G3BP2: variants seen among roughly 807,000 people sequenced by gnomAD.
G3BP2 encodes the protein G3BP stress granule assembly factor 2.
In G3BP2, 11 loss-of-function variants were observed where a neutral mutation model predicts 56.7. The observed-to-expected ratio is 0.19, with a 90% CI of 0.12 to 0.32. G3BP2 has a LOEUF of 0.32. Among genes scored for constraint, G3BP2 ranks in the 10% least tolerant of loss-of-function variants. The pLI is 1.00. For synonymous variants in G3BP2, 165 were observed against 191.6 expected (o/e 0.86, Z 1.15); for missense variants, 340 against 610.9 (o/e 0.56, Z 4.67).
rs965612443 is a variant in G3BP2, at chr4:75,643,645, T to C, written c.*1785A>G. On this transcript the variant is annotated 3_prime_UTR_variant, in exon 12 of 12. Transcript: ENST00000359707. ...ATTGCCCAGTACATGAAAAACAAAATACATGCATCATTTGCTAGTTTACTA... is the reference window on the plus strand; with the variant it reads ...ATTGCCCAGTACATGAAAAACAAAACACATGCATCATTTGCTAGTTTACTA... 5 of 152,470 alleles carry C rather than the reference T, an allele frequency of 3.3e-5. No homozygotes were observed. The highest frequency in any genetic ancestry group is 5.9e-5 in the Non-Finnish European group (4 of 68,010). The allele number at this position is 152,470 out of a possible 1,614,324, so 9.4% of individuals were successfully genotyped here.
intron 5 of G3BP2, among the ~76,000 whole-genome samples, chr4:75,656,649 G>T (rs1403202041): frequency 1.3e-5 from 2 of 152,076 alleles, no homozygotes; most frequent in Non-Finnish European, 2.9e-5. Context: ...GCCAAGTATA[G>T]AATCCAAAAA....
intron 8 of G3BP2, among the ~76,000 whole-genome samples, chr4:75,652,733 C>G (rs539286018): frequency 1.3e-5 from 2 of 152,276 alleles, no homozygotes; most frequent in Non-Finnish European, 2.9e-5. Context: ...GTGAGTTACT[C>G]TAGACCTCAA....
At chr4:75,672,119 G>A (rs1733534179) in intron 1 of G3BP2, among the ~76,000 whole-genome samples, 1 of 152,104 alleles carries the variant, frequency 6.6e-6, no homozygotes, top group Admixed American at 6.5e-5. Context: ...AATCATACAG[G>A]GAGAACAGGA....
intron 3 of G3BP2, among the ~76,000 whole-genome samples, chr4:75,658,528 C>T (rs1160473708): frequency 2.6e-5 from 4 of 151,374 alleles, no homozygotes; most frequent in East Asian, 1.9e-4. Flanking sequence ...GTTGGGAGTT[C>T]GAGACCAGCC....
chr4:75,711,113 A>G (rs1375254524), intron 3 of G3BP2, among the ~76,000 whole-genome samples: 2 of 152,060 alleles, frequency 1.3e-5, no homozygotes, highest in African/African-American at 2.4e-5. Flanking sequence ...TGAGGTCAGG[A>G]GTTCAAGACC....
chr4:75,720,146 A>G (rs1214221725), intron 3 of G3BP2, among the ~76,000 whole-genome samples: 2 of 151,128 alleles, frequency 1.3e-5, no homozygotes, highest in Non-Finnish European at 2.9e-5. Flanking sequence ...CTGGAATGAT[A>G]GGCCACCACG....
At chr4:75,661,698 CATAT>C (rs912583032) in intron 2 of G3BP2, 3 of 424,478 alleles carry the variant, frequency 7.1e-6, no homozygotes, top group African/African-American at 6.1e-5. Context: ...TAAGCGTGTG[CATAT>C]ATAGATATGA....
chr4:75,705,744 A>G (rs202083290), intron 3 of G3BP2, among the ~76,000 whole-genome samples: 1 of 152,324 alleles, frequency 6.6e-6, no homozygotes, highest in East Asian at 1.9e-4. Flanking sequence ...GGCCTTAAAA[A>G]GAACGGGTAG....
Position 75,673,391 on chromosome 4 carries a change from G to T in G3BP2, c.-208C>A. 1 of 1,232,200 alleles carries T rather than the reference G, an allele frequency of 8.1e-7. No individual in the cohort carries two copies. Among genetic ancestry groups the T allele is most frequent in the African/African-American group, 1.5e-5 (1 of 64,540 alleles). The allele number at this position is 1,232,200 out of a possible 1,614,324, so 76.3% of individuals were successfully genotyped here. ...CTTCCCGGGCGCCAGGCGCTGCGAC[G>T]TGCGACAAGGACCACGGACGTCCCG... On this transcript the variant is annotated 5_prime_UTR_variant, in exon 1 of 12. Coordinates refer to ENST00000359707, the MANE Select transcript of G3BP2 (RefSeq NM_203505.3).
At chr4:75,703,093 A>G (rs577943603) in intron 3 of G3BP2, among the ~76,000 whole-genome samples, 2 of 152,342 alleles carry the variant, frequency 1.3e-5, no homozygotes, top group Admixed American at 6.5e-5. Context: ...TACTGAATGC[A>G]TGAAGAAGGC....
chr4:75,690,232 G>A (rs562867905), intron 3 of G3BP2, among the ~76,000 whole-genome samples: 1 of 152,202 alleles, frequency 6.6e-6, no homozygotes, highest in South Asian at 2.1e-4. Flanking sequence ...TCAGGAGTTC[G>A]AAACCAGCCT....
At chr4:75,661,052 C>G (rs779925790) in intron 2 of G3BP2, among the ~76,000 whole-genome samples, 1 of 152,152 alleles carries the variant, frequency 6.6e-6, no homozygotes, top group African/African-American at 2.4e-5. Context: ...TCCCCCAACA[C>G]TGTTTGGGAG....
rs148419123 is a variant in G3BP2, at chr4:75,645,402, C to G, written c.*28G>C. On this transcript the variant is annotated 3_prime_UTR_variant, in exon 12 of 12. Transcript: ENST00000359707. ...TGCAAACACGATGAATAATGTACCACTGCCAAGACTTTGCCAACAGTGGAG... is the reference window on the plus strand; with the variant it reads ...TGCAAACACGATGAATAATGTACCAGTGCCAAGACTTTGCCAACAGTGGAG... 1.2e-4 allele frequency: 190 copies of G among 1,599,682 alleles called. No individual in the cohort carries two copies. Among genetic ancestry groups the G allele is most frequent in the Non-Finnish European group, 1.6e-4 (184 of 1,171,762 alleles).
chr4:75,656,850 C>A, intron 5 of G3BP2, 74 bp downstream of exon 5: 2 of 726,084 alleles, frequency 2.8e-6, no homozygotes, highest in South Asian at 3.3e-5. Flanking sequence ...CCGTAGATGT[C>A]ATACTTATAG....
intron 1 of G3BP2, among the ~76,000 whole-genome samples, chr4:75,723,624 G>A (rs1435623600): frequency 2.6e-5 from 4 of 152,216 alleles, no homozygotes. Flanking sequence ...TATTTGGACA[G>A]TGGTACTACT....
chr4:75,673,398 A>G lies in G3BP2; in HGVS notation c.-215T>C, dbSNP rs764409487. The G allele has an allele frequency of 9.8e-5, 121 of 1,232,064 alleles. No individual in the cohort carries two copies. The highest frequency in any genetic ancestry group is 1.2e-4 in the Non-Finnish European group (118 of 988,014). The allele number at this position is 1,232,064 out of a possible 1,614,324, so 76.3% of individuals were successfully genotyped here. A position where few individuals can be genotyped will look rare whatever the true frequency, so the allele number is the denominator to read the frequency against. On this transcript the variant is annotated 5_prime_UTR_variant, in exon 1 of 12. Coordinates refer to ENST00000359707, the MANE Select transcript of G3BP2 (RefSeq NM_203505.3). ...GGCGCCAGGCGCTGCGACGTGCGAC[A>G]AGGACCACGGACGTCCCGCCCCCTT...
In G3BP2 at chr4:75,662,888, T is replaced by C. The variant is rs910909173; in HGVS notation, c.-24-839A>G. On this transcript the variant is annotated intron_variant, in intron 1 of 11. Coordinates refer to ENST00000359707, the MANE Select transcript of G3BP2 (RefSeq NM_203505.3). Reference sequence around the variant, plus strand: ...CCAAGTTAAGACTCAGAGATAACACTCATGGCAAAGCACCATGACTTGTGT... The same window carrying C: ...CCAAGTTAAGACTCAGAGATAACACCCATGGCAAAGCACCATGACTTGTGT... 4.6e-5 allele frequency among the ~76,000 whole-genome samples: 7 copies of C among 152,188 alleles called. No homozygotes were observed. In the South Asian group the frequency reaches 8.3e-4, roughly 18 times the overall value.
intron 3 of G3BP2, among the ~76,000 whole-genome samples, chr4:75,703,174 A>G (rs1719412198): frequency 6.6e-6 from 1 of 152,200 alleles, no homozygotes; most frequent in African/African-American, 2.4e-5. Flanking sequence ...TGCAGACAGG[A>G]GGAGTCTCTT....
At chr4:75,649,685 G>A (rs1731522255) in intron 8 of G3BP2, among the ~76,000 whole-genome samples, 1 of 152,122 alleles carries the variant, frequency 6.6e-6, no homozygotes, top group Admixed American at 6.5e-5. Context: ...AACAGGATAT[G>A]GAGAACATGT....
Sources: allele counts gnomAD v4.1 joint callset (sites outside exome capture counted in the v4.1 genomes callset), GRCh38; gene constraint gnomAD v4.1.1; transcripts MANE v1.5; gene names NCBI Gene and HGNC (gene_info 2026-07-23, HGNC 2026-07-21).